The following CTPS2 variants were observed in gnomAD, a reference collection of about 807,000 sequenced individuals.
CTPS2 encodes the protein CTP synthase 2.
A neutral mutation model predicts 46.8 loss-of-function variants in CTPS2; 19 were observed. The ratio of observed to expected loss-of-function variants is 0.41; its 90% CI spans 0.28 to 0.60. The LOEUF (loss-of-function observed/expected upper bound fraction) is 0.60, where lower values mean the gene tolerates loss of function less well. Ranked by LOEUF, CTPS2 falls within the 20% of genes least tolerant of loss-of-function variation. CTPS2 has a pLI of 0.35. For synonymous variants in CTPS2, 151 were observed against 165.2 expected (o/e 0.91, Z 0.66); for missense variants, 286 against 447.6 (o/e 0.64, Z 3.26).
intron 13 of CTPS2, among the ~76,000 whole-genome samples, chrX:16,656,738 AATG>A (rs1932830940): frequency 2.7e-5 from 3 of 111,021 alleles, no homozygotes; most frequent in Admixed American, 9.6e-5. Context: ...AAGTGTAGAA[AATG>A]ATGATACTGA....
intron 7 of CTPS2, 62 bp downstream of exon 7, chrX:16,691,478 A>C: frequency 1.1e-6 from 1 of 940,102 alleles, no homozygotes; most frequent in Non-Finnish European, 1.5e-6. Context: ...TTGAAGAGGT[A>C]CAAAACACTG....
chrX:16,628,375 T>A (rs759843468), intron 14 of CTPS2, among the ~76,000 whole-genome samples: 2 of 111,277 alleles, frequency 1.8e-5, no homozygotes, highest in Non-Finnish European at 3.8e-5. Context: ...TCTTTTTGTT[T>A]TGTTTTTTAA....
At chrX:16,650,895 A>G in intron 13 of CTPS2, 2 of 640,107 alleles carry the variant, frequency 3.1e-6, no homozygotes, top group Non-Finnish European at 4.9e-6. Flanking sequence ...TTCCCCATTT[A>G]TGCCAAGGAA....
chrX:16,668,594 GAAAAT>G (rs1921405032), intron 11 of CTPS2, among the ~76,000 whole-genome samples: 1 of 94,869 alleles, frequency 1.1e-5, no homozygotes, highest in Non-Finnish European at 2.1e-5. Context: ...CAAAAAAAAA[GAAAAT>G]AAAAAGAGAG....
At chrX:16,638,909 T>C (rs781669895) in intron 14 of CTPS2, 18 of 512,690 alleles carry the variant, frequency 3.5e-5, no homozygotes, top group Middle Eastern at 6.8e-4. Flanking sequence ...GCAGATCAAA[T>C]GCGGAGGGGC....
intron 1 of CTPS2, among the ~76,000 whole-genome samples, chrX:16,705,968 G>A (rs1410598624): frequency 9.2e-6 from 1 of 108,559 alleles, no homozygotes; most frequent in Non-Finnish European, 1.9e-5. Context: ...GGGTGTGGTG[G>A]TGCACACCTG....
Position 16,703,551 on chromosome X carries a change from T to C in CTPS2, c.-39-610A>G, listed in dbSNP as rs755665035. On this transcript the variant is annotated intron_variant, in intron 1 of 18. Coordinates refer to ENST00000359276, the MANE Select transcript of CTPS2 (RefSeq NM_175859.3). ...TCTTACTATGATGCCCTGGCTGGTC[T>C]CAAACTCCTGGGCTCAAGCAATCCT... Among the ~76,000 whole-genome samples, 156 of 111,290 alleles carry C rather than the reference T, an allele frequency of 1.4e-3. 1 individual carries two copies. Among genetic ancestry groups the C allele is most frequent in the Middle Eastern group, 9.2e-3 (2 of 217 alleles).
At chrX:16,670,059 T>A (rs866221576) in intron 11 of CTPS2, among the ~76,000 whole-genome samples, 137 of 98,138 alleles carry the variant, frequency 1.4e-3, no homozygotes, top group African/African-American at 4.3e-3. Flanking sequence ...CTCCATCTCT[T>A]AAAAAAAAAA....
chrX:16,679,401 C>T (rs1922553476), intron 9 of CTPS2, among the ~76,000 whole-genome samples: 1 of 110,143 alleles, frequency 9.1e-6, no homozygotes, highest in African/African-American at 3.3e-5. Flanking sequence ...AAGAAATCTC[C>T]AGCAAAGGAA....
chrX:16,634,099 G>A (rs1211828207), intron 14 of CTPS2, among the ~76,000 whole-genome samples: 1 of 111,715 alleles, frequency 9.0e-6, no homozygotes, highest in African/African-American at 3.3e-5. Context: ...AGGAAGACCA[G>A]ATACAGGAAA....
chrX:16,688,124 G>A (rs757965418), intron 8 of CTPS2, among the ~76,000 whole-genome samples: 10 of 111,554 alleles, frequency 9.0e-5, no homozygotes, highest in African/African-American at 2.9e-4. Context: ...AGGGCCGGGC[G>A]CGGTGGCTCA....
At chrX:16,680,962 G>T (rs1416262944) in intron 9 of CTPS2, among the ~76,000 whole-genome samples, 2 of 112,022 alleles carry the variant, frequency 1.8e-5, no homozygotes, top group African/African-American at 6.5e-5. Flanking sequence ...AAGGCAGGTG[G>T]ATCACCTGAG....
chrX:16,641,855 G>A (rs1179859101), intron 13 of CTPS2, among the ~76,000 whole-genome samples: 1 of 112,082 alleles, frequency 8.9e-6, no homozygotes, highest in Non-Finnish European at 1.9e-5. Context: ...GTAGGGGTGG[G>A]AGGTGGGGAG....
At chrX:16,629,284 G>A (rs955407064) in intron 14 of CTPS2, among the ~76,000 whole-genome samples, 3 of 112,610 alleles carry the variant, frequency 2.7e-5, no homozygotes, top group African/African-American at 9.7e-5. Context: ...ACGCTTTAGC[G>A]AATGGTTTCC....
Position 16,588,615 on chromosome X carries a change from T to G in CTPS2, c.*1202A>C, listed in dbSNP as rs1313168267. ...ACAAAAGACCACATATATTGTGTAA[T>G]TCCACTTATATGAAATATCCAGAAT... On this transcript the variant is annotated 3_prime_UTR_variant, in exon 19 of 19. Transcript: ENST00000359276. The G allele has an allele frequency of 1.8e-5, 2 of 111,640 alleles. No individual in the cohort carries two copies. The highest frequency in any genetic ancestry group is 3.8e-5 in the Non-Finnish European group (2 of 53,188). 9.2% of individuals were successfully genotyped at this position (111,640 alleles called of 1,213,427 possible).
chrX:16,672,948 G>A (rs916507258), intron 10 of CTPS2, among the ~76,000 whole-genome samples: 4 of 96,405 alleles, frequency 4.1e-5, no homozygotes, highest in African/African-American at 1.6e-4. Flanking sequence ...GTGCAGTGGC[G>A]GGATCTCGGC....
At chrX:16,595,552 C>T (rs1008157728) in intron 17 of CTPS2, among the ~76,000 whole-genome samples, 2 of 111,289 alleles carry the variant, frequency 1.8e-5, no homozygotes, top group African/African-American at 3.3e-5. Context: ...GTGATCTGCC[C>T]GCTTCGGCCT....
intron 13 of CTPS2, among the ~76,000 whole-genome samples, chrX:16,656,910 G>C: frequency 9.0e-6 from 1 of 111,244 alleles, no homozygotes; most frequent in East Asian, 2.8e-4. Flanking sequence ...TTGAGATAGG[G>C]TATTGCTCGG....
intron 15 of CTPS2, among the ~76,000 whole-genome samples, chrX:16,618,564 G>A (rs1035384801): frequency 1.8e-5 from 2 of 111,642 alleles, no homozygotes; most frequent in African/African-American, 6.5e-5. Context: ...ATTCCAACCA[G>A]CAATGCATGA....
Sources: allele counts gnomAD v4.1 joint callset (sites outside exome capture counted in the v4.1 genomes callset), GRCh38; gene constraint gnomAD v4.1.1; transcripts MANE v1.5; gene names NCBI Gene and HGNC (gene_info 2026-07-23, HGNC 2026-07-21).